Variants in PCDH15 observed in about 807,000 individuals in gnomAD.
PCDH15 encodes protocadherin related 15.
A neutral mutation model predicts 178.5 loss-of-function variants in PCDH15; 129 were observed. The ratio of observed to expected loss-of-function variants is 0.72; its 90% CI spans 0.63 to 0.84. The LOEUF is 0.84. Ranked by LOEUF, PCDH15 falls within the 40% of genes least tolerant of loss-of-function variation. PCDH15 has a pLI of 0.00. For missense variants in PCDH15, 2,230 were observed against 2,099.9 expected (o/e 1.06, Z -1.21); for synonymous variants, 800 against 732.0 (o/e 1.09, Z -1.50).
At chr10:54,086,244 G>A (rs555003932) in intron 16 of PCDH15, among the ~76,000 whole-genome samples, 14 of 152,118 alleles carry the variant, frequency 9.2e-5, no homozygotes, top group Non-Finnish European at 1.9e-4. Flanking sequence ...CACATGGTGA[G>A]AAAGGAAGCA....
intron 18 of PCDH15, among the ~76,000 whole-genome samples, chr10:54,040,017 C>T (rs1590065909): frequency 6.6e-6 from 1 of 152,038 alleles, no homozygotes; most frequent in Admixed American, 6.6e-5. Context: ...ATCCATTGCA[C>T]TCATTTATTA....
chr10:55,092,392 T>G (rs1694006508), intron 2 of PCDH15, among the ~76,000 whole-genome samples: 1 of 151,882 alleles, frequency 6.6e-6, no homozygotes, highest in South Asian at 2.1e-4. Flanking sequence ...CACTTATCTT[T>G]CATGAAAACT....
chr10:54,100,009 GTAGA>G (rs2136143602), intron 15 of PCDH15, among the ~76,000 whole-genome samples: 1 of 152,260 alleles, frequency 6.6e-6, no homozygotes, highest in Admixed American at 6.5e-5. Context: ...ACTTTATGTA[GTAGA>G]TATAGAATCA....
intron 2 of PCDH15, among the ~76,000 whole-genome samples, chr10:55,108,751 T>C (rs1166937891): frequency 6.6e-6 from 1 of 151,766 alleles, no homozygotes; most frequent in Non-Finnish European, 1.5e-5. Flanking sequence ...AAATCATGGC[T>C]AGTCTATAGT....
chr10:55,444,871 G>T lies in PCDH15; in HGVS notation c.-156+182754C>A, dbSNP rs186868910. Among the ~76,000 whole-genome samples the T allele has an allele frequency of 2.9e-3, 439 of 152,138 alleles. 3 individuals are homozygous for T. The highest frequency in any genetic ancestry group is 0.01 in the African/African-American group (421 of 41,530). ...ATTTGCTAGCACTGAAAAACATTCA[G>T]AACTACGCTAAATGACATTTAAACA... On this transcript the variant is annotated intron_variant, in intron 2 of 5. Transcript: ENST00000613346.
chr10:54,071,116 A>G (rs2094233989), intron 17 of PCDH15, among the ~76,000 whole-genome samples: 2 of 152,168 alleles, frequency 1.3e-5, no homozygotes, highest in Non-Finnish European at 2.9e-5. Context: ...AAGTCACTTT[A>G]TCTCATACAT....
At chr10:54,898,566 A>G (rs1954586676) in intron 2 of PCDH15, among the ~76,000 whole-genome samples, 1 of 152,136 alleles carries the variant, frequency 6.6e-6, no homozygotes, top group Non-Finnish European at 1.5e-5. Flanking sequence ...AATCCATTGT[A>G]TCATTTTTCT....
At chr10:54,820,603 G>T (rs563375358) in intron 3 of PCDH15, among the ~76,000 whole-genome samples, 1 of 151,854 alleles carries the variant, frequency 6.6e-6, no homozygotes, top group Non-Finnish European at 1.5e-5. Context: ...TATCATTTAC[G>T]TTAAATGTTG....
chr10:54,277,858 A>G (rs987384647), intron 8 of PCDH15, among the ~76,000 whole-genome samples: 2 of 150,610 alleles, frequency 1.3e-5, no homozygotes, highest in African/African-American at 4.9e-5. Flanking sequence ...GTATAGAGGA[A>G]GCCAATATAA....
rs146859249 is a variant in PCDH15 at position 54,483,887 on chromosome 10, T to C, written c.157+43925A>G. Among the ~76,000 whole-genome samples, 396 of 152,030 alleles carry C rather than the reference T, an allele frequency of 2.6e-3. 1 individual carries two copies. The highest frequency in any genetic ancestry group is 9.1e-3 in the African/African-American group (376 of 41,542). ...ATGTTTTGACAAATAAGGGTGATGA[T>C]GTTCAGATTTCAGTGATGCACTTAG... On this transcript the variant is annotated intron_variant, in intron 3 of 37. Coordinates refer to ENST00000644397, the MANE Select transcript of PCDH15 (RefSeq NM_001384140.1).
At chr10:55,124,183 G>A (rs1017874677) in intron 2 of PCDH15, among the ~76,000 whole-genome samples, 2 of 152,004 alleles carry the variant, frequency 1.3e-5, no homozygotes, top group Non-Finnish European at 2.9e-5. Flanking sequence ...TTTATTAAAA[G>A]GCTATATATA....
At chr10:55,211,199 G>T (rs1218414026) in intron 1 of PCDH15, among the ~76,000 whole-genome samples, 1 of 151,966 alleles carries the variant, frequency 6.6e-6, no homozygotes, top group Non-Finnish European at 1.5e-5. Context: ...GGAGAAAATG[G>T]AAGTCCTCTG....
In PCDH15 at chr10:53,806,751, G is replaced by A. The variant is rs752801351; in HGVS notation, c.5051C>T (p.Ala1684Val). 14 of 1,613,650 alleles carry A rather than the reference G, an allele frequency of 8.7e-6. No individual in the cohort carries two copies. Among genetic ancestry groups the A allele is most frequent in the Admixed American group, 3.3e-5 (2 of 59,966 alleles). ...APCPVGTDNT[A>V]VKPLRNRLKS... ...CAGCCTGTTCCTTAGTGGCTTCACC[G>A]CTGTATTGTCAGTCCCCACAGGGCA... is the stretch of plus-strand genomic sequence containing the variant. Residue 1684 changes from alanine to valine, a missense_variant, in exon 38 of 38, where the codon GCG becomes GTG. Physicochemically the swap from Ala to Val is moderately conservative, Grantham distance 64 (BLOSUM62 0). Coordinates refer to ENST00000644397, the MANE Select transcript of PCDH15 (RefSeq NM_001384140.1).
intron 2 of PCDH15, among the ~76,000 whole-genome samples, chr10:55,102,257 TTC>T (rs1842590804): frequency 6.6e-6 from 1 of 152,126 alleles, no homozygotes; most frequent in Non-Finnish European, 1.5e-5. Context: ...ACTTTATATT[TTC>T]TCTGTTTCTA....
chr10:55,457,431 G>T (rs1229484034), intron 2 of PCDH15, among the ~76,000 whole-genome samples: 1 of 151,998 alleles, frequency 6.6e-6, no homozygotes, highest in Non-Finnish European at 1.5e-5. Flanking sequence ...TGTGTGATAT[G>T]TGTAAAGCAG....
intron 25 of PCDH15, among the ~76,000 whole-genome samples, chr10:53,927,420 A>G (rs2084661093): frequency 6.6e-6 from 1 of 152,148 alleles, no homozygotes; most frequent in African/African-American, 2.4e-5. Context: ...TGCAAATCTG[A>G]TACAATTCAC....
At chr10:55,142,675 T>A (rs1359928340) in intron 2 of PCDH15, among the ~76,000 whole-genome samples, 1 of 146,584 alleles carries the variant, frequency 6.8e-6, no homozygotes, top group Non-Finnish European at 1.5e-5. Flanking sequence ...GATAATTTAA[T>A]ATTAACCTGA....
intron 2 of PCDH15, among the ~76,000 whole-genome samples, chr10:55,148,085 A>G (rs1029578446): frequency 6.8e-6 from 1 of 146,440 alleles, no homozygotes; most frequent in African/African-American, 2.5e-5. Context: ...ATATTTTAAC[A>G]GAAAAAAATT....
At chr10:53,841,019 T>G (rs2132770461) in intron 28 of PCDH15, among the ~76,000 whole-genome samples, 1 of 152,320 alleles carries the variant, frequency 6.6e-6, no homozygotes, top group African/African-American at 2.4e-5. Flanking sequence ...ATGGCAGGAT[T>G]ACCACGTTAA....
Sources: gnomAD v4.1 joint callset for allele counts (sites outside exome capture counted in the v4.1 genomes callset) on GRCh38, gnomAD v4.1.1 for gene constraint, MANE v1.5 for transcripts, NCBI Gene and HGNC (gene_info 2026-07-23, HGNC 2026-07-21) for gene names.